ARHGAP26: variants seen among roughly 807,000 people sequenced by gnomAD.
The protein encoded by ARHGAP26 is Rho GTPase activating protein 26.
ARHGAP26 carries 38 observed loss-of-function variants against 104.8 expected under a neutral mutation model. That is an observed-to-expected ratio of 0.36 (90% confidence interval 0.28 to 0.48). ARHGAP26 has a LOEUF of 0.48. Ranked by LOEUF, ARHGAP26 falls within the 20% of genes least tolerant of loss-of-function variation. The probability of loss-of-function intolerance (pLI) is 0.99; values close to 1 mark genes in which losing one functional copy is unlikely to be tolerated. For missense variants in ARHGAP26, 704 were observed against 947.9 expected, an observed-to-expected ratio of 0.74 and a Z score of 3.38; for synonymous variants, 341 against 340.0, an observed-to-expected ratio of 1.00 and a Z score of -0.03.
intron 11 of ARHGAP26, among the ~76,000 whole-genome samples, chr5:142,971,656 A>G (rs549952069): frequency 2.1e-4 from 32 of 152,164 alleles, no homozygotes; most frequent in Non-Finnish European, 4.1e-4. Flanking sequence ...CTTTCTGCCA[A>G]AAAAGTCTCG....
chr5:143,016,178 T>A lies in ARHGAP26; in HGVS notation c.1144+2062T>A, dbSNP rs140249988. ...GATAGTTTGTTAATGATTGAAATTT[T>A]AAAAAAATTAGGCTATAGAACAACA... is the stretch of plus-strand genomic sequence containing the variant. On this transcript the variant is annotated intron_variant, in intron 12 of 22. Transcript: ENST00000645722. 3.5e-4 allele frequency among the ~76,000 whole-genome samples: 54 copies of A among 152,280 alleles called. 2 individuals are homozygous for A. In the East Asian group the frequency reaches 8.9e-3, roughly 25 times the overall value.
At chr5:142,987,353 G>T (rs949538430) in intron 11 of ARHGAP26, among the ~76,000 whole-genome samples, 32 of 152,332 alleles carry the variant, frequency 2.1e-4, no homozygotes, top group Middle Eastern at 3.4e-3. Context: ...TTTGTATCCT[G>T]AGACTTTGCT....
rs186348569 is a variant in ARHGAP26, at chr5:142,856,295, G to T, written c.155-17105G>T. On this transcript the variant is annotated intron_variant, in intron 1 of 22. Coordinates refer to ENST00000645722, the MANE Select transcript of ARHGAP26 (RefSeq NM_001135608.3). ...CTGGAGGGCCAGGTGGCAGTCGGTT[G>T]GTTGTGTTGGTCAGGGTGGGAGAGG... 1.8e-4 allele frequency among the ~76,000 whole-genome samples: 28 copies of T among 152,396 alleles called. No individual in the cohort carries two copies. The East Asian group carries it at 4.4e-3, about 24-fold the overall frequency.
chr5:143,080,909 T>A (rs1378803863), intron 17 of ARHGAP26, among the ~76,000 whole-genome samples: 3 of 151,622 alleles, frequency 2.0e-5, no homozygotes. Flanking sequence ...GGGCCTGGAC[T>A]AGGGTAGTAG....
In ARHGAP26 at chr5:142,871,145, T is replaced by C. The variant is rs1755223775; in HGVS notation, c.155-2255T>C. On this transcript the variant is annotated intron_variant, in intron 1 of 22. Coordinates refer to ENST00000645722, the MANE Select transcript of ARHGAP26 (RefSeq NM_001135608.3). The surrounding 1 kb of genome is among the most constrained non-coding windows in gnomAD (Gnocchi z 4.1). ...GGGATCGGCCTGTCCTTCAGCTTCA[T>C]GGGGTCCTCACTGCTTCTCAGGCTT... is the stretch of plus-strand genomic sequence containing the variant. Among the ~76,000 whole-genome samples the C allele has an allele frequency of 6.6e-6, 1 of 152,170 alleles. No individual in the cohort carries two copies. Among genetic ancestry groups the C allele is most frequent in the Non-Finnish European group, 1.5e-5 (1 of 68,024 alleles).
Position 142,890,136 on chromosome 5 carries a change from TA to T in ARHGAP26, c.487-4086del, listed in dbSNP as rs1162535877. On this transcript the variant is annotated intron_variant, in intron 5 of 22. Transcript: ENST00000645722. ...GGGTAACAAGAGCGAAACTCCGTCT[TA>T]AAAAAAAAAAAAAAATATATATATA... Among the ~76,000 whole-genome samples, 195 of 29,174 alleles carry T rather than the reference TA, an allele frequency of 6.7e-3. 4 individuals carry two copies. The highest frequency in any genetic ancestry group is 0.032 in the East Asian group (10 of 312). 19.1% of individuals were successfully genotyped at this position (29,174 alleles called of 152,430 possible). A position where few individuals can be genotyped will look rare whatever the true frequency, so the allele number is the denominator to read the frequency against.
chr5:143,006,362 C>G (rs1263380814), intron 11 of ARHGAP26, among the ~76,000 whole-genome samples: 5 of 135,544 alleles, frequency 3.7e-5, no homozygotes, highest in Non-Finnish European at 7.8e-5. Flanking sequence ...CTCTTATGCT[C>G]TCTATTTATC....
intron 11 of ARHGAP26, among the ~76,000 whole-genome samples, chr5:142,955,692 A>G (rs1336402012): frequency 2.0e-5 from 3 of 152,256 alleles, no homozygotes; most frequent in South Asian, 2.1e-4. Context: ...GCTGTTTTCT[A>G]TCAGGAACCT....
chr5:142,793,188 C>T (rs969934153), intron 1 of ARHGAP26, among the ~76,000 whole-genome samples: 1 of 151,358 alleles, frequency 6.6e-6, no homozygotes, highest in African/African-American at 2.4e-5. Flanking sequence ...TGAGGCTGGT[C>T]GCCAAGCAAC....
At chr5:143,010,184 T>G (rs1049736897) in intron 11 of ARHGAP26, among the ~76,000 whole-genome samples, 4 of 152,186 alleles carry the variant, frequency 2.6e-5, no homozygotes, top group African/African-American at 9.7e-5. Context: ...AGAAGGTATT[T>G]ATGAACCATA....
intron 6 of ARHGAP26, among the ~76,000 whole-genome samples, chr5:142,895,125 A>G (rs1759276180): frequency 6.6e-6 from 1 of 152,232 alleles, no homozygotes; most frequent in Non-Finnish European, 1.5e-5. Flanking sequence ...ACTCTCGCAG[A>G]CCATGGATTT....
intron 5 of ARHGAP26, 138 bp downstream of exon 5, chr5:142,885,537 A>G: frequency 1.5e-6 from 1 of 656,808 alleles, no homozygotes; most frequent in Non-Finnish European, 2.6e-6. Flanking sequence ...CTGATCCCTC[A>G]TCCAGTGCCT....
At chr5:142,898,823 T>C (rs1331006947) in intron 6 of ARHGAP26, among the ~76,000 whole-genome samples, 8 of 152,352 alleles carry the variant, frequency 5.3e-5, no homozygotes, top group African/African-American at 1.4e-4. Context: ...TTCTCTTTGT[T>C]GCCTGTGCGG....
At chr5:143,203,921 G>T (rs9688173) in intron 20 of ARHGAP26, among the ~76,000 whole-genome samples, 2,266 of 152,116 alleles carry the variant, frequency 0.015, 56 homozygotes, top group African/African-American at 0.051. Flanking sequence ...CCTGTCAGGG[G>T]GTAGGGGGCT....
chr5:142,808,714 A>G (rs1403805493), intron 1 of ARHGAP26, among the ~76,000 whole-genome samples: 1 of 152,104 alleles, frequency 6.6e-6, no homozygotes, highest in African/African-American at 2.4e-5. Context: ...CGAGCTGCCT[A>G]GAGCATGGTC....
Position 143,112,792 on chromosome 5 carries a change from C to T in ARHGAP26, c.1539-8196C>T, listed in dbSNP as rs148362059. 2.2e-4 allele frequency among the ~76,000 whole-genome samples: 33 copies of T among 152,332 alleles called. No homozygotes were observed. In the East Asian group the frequency reaches 6.0e-3, roughly 28 times the overall value. ...ATGTCATAGTATATGCTAGAATTCC[C>T]TTCCTGTTTAAGGCTGAATAATACT... On this transcript the variant is annotated intron_variant, in intron 17 of 22. Coordinates refer to ENST00000645722, the MANE Select transcript of ARHGAP26 (RefSeq NM_001135608.3).
At chr5:142,985,848 A>G (rs1016640653) in intron 11 of ARHGAP26, among the ~76,000 whole-genome samples, 1 of 151,876 alleles carries the variant, frequency 6.6e-6, no homozygotes, top group African/African-American at 2.4e-5. Context: ...ATCCTTTTTT[A>G]TGGCTGCATA....
In ARHGAP26 at chr5:142,810,426, T is replaced by A. The variant is rs1378009331; in HGVS notation, c.154+39511T>A. On this transcript the variant is annotated intron_variant, in intron 1 of 22. Coordinates refer to ENST00000645722, the MANE Select transcript of ARHGAP26 (RefSeq NM_001135608.3). ...ACTTCAGCCCCAGGTCAAGTCCTGT[T>A]GTTAACTTCATAATATTTTAATGAA... Among the ~76,000 whole-genome samples the A allele has an allele frequency of 5.6e-4, 86 of 152,362 alleles. No homozygotes were observed. In the East Asian group the frequency reaches 0.012, roughly 21 times the overall value.
chr5:143,078,214 A>G (rs1028019392), intron 17 of ARHGAP26, among the ~76,000 whole-genome samples: 5 of 152,188 alleles, frequency 3.3e-5, no homozygotes, highest in African/African-American at 1.2e-4. Flanking sequence ...GTAAGTCAGG[A>G]CACCAAAATG....
Sources: allele counts gnomAD v4.1 joint callset (sites outside exome capture counted in the v4.1 genomes callset), GRCh38; gene constraint gnomAD v4.1.1; non-coding constraint Gnocchi (gnomAD v3.1); transcripts MANE v1.5; gene names NCBI Gene and HGNC (gene_info 2026-07-23, HGNC 2026-07-21).